PRKD1: variants seen among roughly 807,000 people sequenced by gnomAD.
The protein encoded by PRKD1 is serine/threonine-protein kinase D1.
A neutral mutation model predicts 95.9 loss-of-function variants in PRKD1; 63 were observed. The ratio of observed to expected loss-of-function variants is 0.66; its 90% CI spans 0.54 to 0.81. The LOEUF (loss-of-function observed/expected upper bound fraction) is 0.81. Among genes scored for constraint, PRKD1 ranks in the 30% least tolerant of loss-of-function variants. The pLI is 0.00. For missense variants in PRKD1, 1,048 were observed against 1,165.3 expected (o/e 0.90, Z 1.47); for synonymous variants, 425 against 423.1 (o/e 1.00, Z -0.05).
chr14:29,622,750 C>G (rs1414972352), intron 13 of PRKD1, among the ~76,000 whole-genome samples: 2 of 152,244 alleles, frequency 1.3e-5, no homozygotes, highest in South Asian at 2.1e-4. Flanking sequence ...ACTGTGTTGA[C>G]AGACTTGGGG....
chr14:29,791,045 G>A (rs1889522566), intron 1 of PRKD1, among the ~76,000 whole-genome samples: 1 of 152,138 alleles, frequency 6.6e-6, no homozygotes, highest in Admixed American at 6.5e-5. Flanking sequence ...GGAAAACCAG[G>A]TGACTAAAAG....
chr14:29,594,302 C>G (rs1306623549), intron 16 of PRKD1: 1 of 327,012 alleles, frequency 3.1e-6, no homozygotes. Context: ...TTACAACTAG[C>G]AATATGTCCA....
At chr14:29,876,716 C>G (rs1200253702) in intron 1 of PRKD1, among the ~76,000 whole-genome samples, 4 of 140,610 alleles carry the variant, frequency 2.8e-5, no homozygotes, top group Non-Finnish European at 4.5e-5. Flanking sequence ...CAAAAACAAA[C>G]AAACAAAAAA....
Position 29,919,592 on chromosome 14 carries a change from C to A in PRKD1, c.264+7657G>T, listed in dbSNP as rs897246710. On this transcript the variant is annotated intron_variant, in intron 1 of 17. Transcript: ENST00000331968. ...ATTCCTGTGGGAAATATCTCATATT[C>A]TTATAGATTAAAAAATGTTTTGAAT... 1.3e-5 allele frequency among the ~76,000 whole-genome samples: 2 copies of A among 152,140 alleles called. 1 individual carries two copies. The highest frequency in any genetic ancestry group is 4.1e-4 in the South Asian group (2 of 4,834).
chr14:29,836,034 T>G (rs1430409558), intron 1 of PRKD1, among the ~76,000 whole-genome samples: 1 of 152,074 alleles, frequency 6.6e-6, no homozygotes, highest in Non-Finnish European at 1.5e-5. Context: ...TCATGGGAGA[T>G]CAGAAGAAAG....
intron 1 of PRKD1, among the ~76,000 whole-genome samples, chr14:29,847,715 T>C (rs1323241985): frequency 6.6e-6 from 1 of 152,180 alleles, no homozygotes; most frequent in African/African-American, 2.4e-5. Context: ...CATGCTTCCA[T>C]TGCCTTTCAC....
intron 1 of PRKD1, among the ~76,000 whole-genome samples, chr14:29,826,446 A>G (rs1891117839): frequency 1.3e-5 from 1 of 79,070 alleles, no homozygotes; most frequent in East Asian, 3.6e-4. Context: ...ATATATATAT[A>G]CATATATATG....
chr14:29,904,965 G>T (rs1272839687), intron 1 of PRKD1, among the ~76,000 whole-genome samples: 1 of 152,172 alleles, frequency 6.6e-6, no homozygotes, highest in African/African-American at 2.4e-5. Flanking sequence ...GGAATACGTG[G>T]TCACTTTTTT....
chr14:29,720,553 A>C (rs1885837588), intron 2 of PRKD1, among the ~76,000 whole-genome samples: 1 of 152,002 alleles, frequency 6.6e-6, no homozygotes, highest in African/African-American at 2.4e-5. Context: ...AGGCCGAGAC[A>C]GGCGGATCAC....
intron 16 of PRKD1, among the ~76,000 whole-genome samples, chr14:29,587,921 A>G (rs1230590171): frequency 3.9e-5 from 6 of 152,168 alleles, no homozygotes; most frequent in Non-Finnish European, 7.3e-5. Flanking sequence ...AATTCACTTT[A>G]TCTTATCAAT....
Position 29,624,165 on chromosome 14 carries a change from A to G in PRKD1, c.1892T>C (p.Val631Ala). 6.2e-7 allele frequency: 1 copy of G among 1,603,328 alleles called. No individual in the cohort carries two copies. Among genetic ancestry groups the G allele is most frequent in the Non-Finnish European group, 8.5e-7 (1 of 1,174,116 alleles). Residue 631 changes from valine to alanine, a missense_variant, in exon 13 of 18, where the codon GTT (valine) becomes GCT (alanine). Val to Ala is a moderately conservative substitution (Grantham distance 64). This residue lies in a region of PRKD1 where 739 missense variants were observed against 861.9 expected (regional missense o/e 0.86). Coordinates refer to ENST00000331968, the MANE Select transcript of PRKD1 (RefSeq NM_002742.3). ...CCAAAGAAGTACCTGTAGAATTGCA[A>G]CCTCATTACGAAGCTGGCTTTCTTG... ...TKQESQLRNE[V>A]AILQNLHHPG...
intron 1 of PRKD1, among the ~76,000 whole-genome samples, chr14:29,924,080 C>T (rs1042692633): frequency 6.6e-6 from 1 of 152,074 alleles, no homozygotes; most frequent in African/African-American, 2.4e-5. Flanking sequence ...TACAACCAGG[C>T]TTCAACGTCA....
intron 2 of PRKD1, among the ~76,000 whole-genome samples, chr14:29,699,158 T>A (rs2139320471): frequency 6.6e-6 from 1 of 152,354 alleles, no homozygotes; most frequent in South Asian, 2.1e-4. Flanking sequence ...TTTCTACATG[T>A]GAAAGTATTT....
chr14:29,681,554 T>A (rs1298129772), intron 2 of PRKD1, among the ~76,000 whole-genome samples: 1 of 152,178 alleles, frequency 6.6e-6, no homozygotes, highest in Non-Finnish European at 1.5e-5. Flanking sequence ...AATGTCTGCA[T>A]GGGACCAACT....
intron 1 of PRKD1, among the ~76,000 whole-genome samples, chr14:29,778,632 T>A (rs893760813): frequency 2.6e-5 from 4 of 152,148 alleles, no homozygotes; most frequent in Admixed American, 1.3e-4. Context: ...GCTCTGAAAT[T>A]GAGGCAATAA....
chr14:29,630,932 G>T lies in PRKD1; in HGVS notation c.1482C>A (p.Ile494=). Residue 494 remains isoleucine (I), a synonymous_variant, in exon 10 of 18, where the codon ATC becomes ATA. Transcript: ENST00000331968. ...PNGANPHCFE[I]TTANVVYYVG... ...CATAATACACTACATTTGCCGTAGT[G>T]ATTTCGAAACAATGAGGATTGGCCC... The T allele has an allele frequency of 6.2e-7, 1 of 1,614,042 alleles. No homozygotes were observed. Among genetic ancestry groups the T allele is most frequent in the Non-Finnish European group, 8.5e-7 (1 of 1,179,984 alleles).
intron 4 of PRKD1, among the ~76,000 whole-genome samples, chr14:29,650,979 T>C (rs1881457140): frequency 6.6e-6 from 1 of 152,238 alleles, no homozygotes; most frequent in South Asian, 2.1e-4. Context: ...TATTATTTTT[T>C]CTATTTCATA....
intron 1 of PRKD1, among the ~76,000 whole-genome samples, chr14:29,913,076 CT>C (rs1461136957): frequency 6.6e-6 from 1 of 152,216 alleles, no homozygotes. Flanking sequence ...AAGCAATTAG[CT>C]TACGAAATGA....
At position 29,847,864 on chromosome 14, in the gene PRKD1, C is replaced by T. The variant is rs571242562; in HGVS notation, c.264+79385G>A. Among the ~76,000 whole-genome samples the T allele has an allele frequency of 1.1e-4, 17 of 150,976 alleles. No homozygotes were observed. The East Asian group carries it at 3.3e-3, about 29-fold the overall frequency. On this transcript the variant is annotated intron_variant, in intron 1 of 17. Transcript: ENST00000331968. ...ACACACACATGCATGCATGCGTGTT[C>T]TCTCTCTCTCTCTCCCCCCCCACCA...
Sources: gnomAD v4.1 joint callset for allele counts (sites outside exome capture counted in the v4.1 genomes callset) on GRCh38, gnomAD v4.1.1 for gene constraint, gnomAD v4.1.1 regional missense constraint, MANE v1.5 for transcripts, NCBI Gene and HGNC (gene_info 2026-07-23, HGNC 2026-07-21) for gene names.